The following ZFHX3 variants were observed in gnomAD, a reference collection of about 807,000 sequenced individuals.
ZFHX3 encodes zinc finger homeobox protein 3.
In ZFHX3, 42 loss-of-function variants were observed where a neutral mutation model predicts 279.1. The observed-to-expected ratio is 0.15, with a 90% CI of 0.12 to 0.19. The LOEUF (loss-of-function observed/expected upper bound fraction) is 0.19, where lower values mean the gene tolerates loss of function less well. ZFHX3 is among the 10% of genes least tolerant of loss of function. The pLI is 1.00. For synonymous variants in ZFHX3, 2,293 were observed against 1,957.8 expected (o/e 1.17, Z -4.52); for missense variants, 4,981 against 4,754.0 (o/e 1.05, Z -1.40).
chr16:73,686,559 C>T (rs907130508), intron 1 of ZFHX3, among the ~76,000 whole-genome samples: 6 of 152,164 alleles, frequency 3.9e-5, no homozygotes, highest in African/African-American at 1.4e-4. Flanking sequence ...AACTCATGCT[C>T]AGAGAAGTCA....
intron 2 of ZFHX3, among the ~76,000 whole-genome samples, chr16:73,607,460 C>T (rs1009563497): frequency 1.1e-4 from 16 of 152,156 alleles, no homozygotes; most frequent in Admixed American, 4.6e-4. Flanking sequence ...TACCTGCACG[C>T]GTATGTTCAT....
At chr16:73,873,159 T>TGGTGGGTGGG (rs2029871354) in intron 1 of ZFHX3, among the ~76,000 whole-genome samples, 1 of 44,220 alleles carries the variant, frequency 2.3e-5, no homozygotes, top group Non-Finnish European at 4.1e-5. Context: ...TGGTGGGTGG[T>TGGTGGGTGGG]GGGTGGTGGT....
intron 1 of ZFHX3, among the ~76,000 whole-genome samples, chr16:73,055,694 GCGCGCACACA>G (rs1206836905): frequency 1.6e-4 from 22 of 138,036 alleles, no homozygotes; most frequent in Non-Finnish European, 3.0e-4. Flanking sequence ...GCGCGCGCGC[GCGCGCACACA>G]CACACACACA....
intron 3 of ZFHX3, among the ~76,000 whole-genome samples, chr16:72,940,864 A>G (rs1283873276): frequency 2.0e-5 from 3 of 152,252 alleles, no homozygotes; most frequent in Non-Finnish European, 4.4e-5. Context: ...CAGAACCAGG[A>G]GGGGGACCCT....
intron 1 of ZFHX3, among the ~76,000 whole-genome samples, chr16:72,981,307 G>A (rs1456594235): frequency 6.6e-6 from 1 of 152,138 alleles, no homozygotes; most frequent in Admixed American, 6.6e-5. Flanking sequence ...TAGCTATCAC[G>A]ATCATTACTG....
At chr16:73,380,406 C>T (rs570923349) in intron 3 of ZFHX3, among the ~76,000 whole-genome samples, 180 of 152,226 alleles carry the variant, frequency 1.2e-3, no homozygotes, top group African/African-American at 4.1e-3. Context: ...ATGTTATCTG[C>T]AGAACTAGTG....
chr16:73,805,003 T>C (rs1198944001), intron 1 of ZFHX3, among the ~76,000 whole-genome samples: 1 of 148,664 alleles, frequency 6.7e-6, no homozygotes, highest in Non-Finnish European at 1.5e-5. Flanking sequence ...ATTTATTATA[T>C]GACTATTTAT....
intron 3 of ZFHX3, among the ~76,000 whole-genome samples, chr16:72,894,704 C>G (rs994789193): frequency 1.3e-5 from 2 of 152,170 alleles, no homozygotes; most frequent in Non-Finnish European, 2.9e-5. Context: ...ATTAAATTCA[C>G]TGTAATATAT....
chr16:73,189,891 C>T (rs545381507), intron 5 of ZFHX3, among the ~76,000 whole-genome samples: 43 of 152,048 alleles, frequency 2.8e-4, no homozygotes, highest in African/African-American at 1.0e-3. Flanking sequence ...CCCAGGAGTT[C>T]AAGACCAGCC....
intron 3 of ZFHX3, among the ~76,000 whole-genome samples, chr16:72,910,056 C>T (rs925459327): frequency 1.3e-5 from 2 of 152,102 alleles, no homozygotes; most frequent in African/African-American, 2.4e-5. Context: ...CTAACTTTCT[C>T]GTCAGTGTGC....
intron 3 of ZFHX3, among the ~76,000 whole-genome samples, chr16:72,934,173 C>A (rs1029868400): frequency 6.6e-6 from 1 of 152,142 alleles, no homozygotes; most frequent in Non-Finnish European, 1.5e-5. Context: ...GCCTGTAATT[C>A]CAATACTTTA....
chr16:73,032,910 G>C (rs1964760682), intron 1 of ZFHX3, among the ~76,000 whole-genome samples: 2 of 152,218 alleles, frequency 1.3e-5, no homozygotes. Flanking sequence ...TAATGCTCCA[G>C]TAAACAAATC....
intron 2 of ZFHX3, among the ~76,000 whole-genome samples, chr16:73,651,341 G>T (rs919190761): frequency 2.0e-5 from 3 of 151,610 alleles, no homozygotes; most frequent in African/African-American, 7.3e-5. Flanking sequence ...AGAGAGAATT[G>T]GCAAGAATTA....
At chr16:73,341,108 C>T (rs750499509) in intron 3 of ZFHX3, among the ~76,000 whole-genome samples, 11 of 152,118 alleles carry the variant, frequency 7.2e-5, no homozygotes, top group South Asian at 2.1e-4. Context: ...TTTGGGAGGC[C>T]GAGGTGGGTG....
chr16:73,382,623 C>T (rs1030693518), intron 3 of ZFHX3, among the ~76,000 whole-genome samples: 1 of 148,706 alleles, frequency 6.7e-6, no homozygotes, highest in Non-Finnish European at 1.5e-5. Context: ...CAGACTACCC[C>T]ACTTGCCCCA....
intron 1 of ZFHX3, among the ~76,000 whole-genome samples, chr16:73,720,493 C>T (rs1292090623): frequency 6.6e-6 from 1 of 152,090 alleles, no homozygotes; most frequent in East Asian, 1.9e-4. Context: ...TGTCATGTAG[C>T]CCTTTTAAAT....
chr16:73,422,175 T>C (rs1003899788), intron 3 of ZFHX3, among the ~76,000 whole-genome samples: 1 of 149,688 alleles, frequency 6.7e-6, no homozygotes, highest in Non-Finnish European at 1.5e-5. Flanking sequence ...TTCATGGAAA[T>C]AAAACAGGAT....
chr16:73,105,476 G>A (rs1966292306), intron 7 of ZFHX3, among the ~76,000 whole-genome samples: 1 of 128,726 alleles, frequency 7.8e-6, no homozygotes, highest in Non-Finnish European at 1.7e-5. Context: ...CCCAGGCCAG[G>A]CGTGCTGGCT....
At chr16:73,786,124 G>C (rs1314270411) in intron 1 of ZFHX3, among the ~76,000 whole-genome samples, 5 of 152,032 alleles carry the variant, frequency 3.3e-5, no homozygotes, top group Non-Finnish European at 5.9e-5. Context: ...ACCTGCCTTG[G>C]CCTCCCAAAG....
Sources: gnomAD v4.1 joint callset for allele counts (sites outside exome capture counted in the v4.1 genomes callset) on GRCh38, gnomAD v4.1.1 for gene constraint, MANE v1.5 for transcripts, NCBI Gene and HGNC (gene_info 2026-07-23, HGNC 2026-07-21) for gene names.